The following NSMCE2 variants were observed in gnomAD, a reference collection of about 807,000 sequenced individuals.
NSMCE2 encodes E3 SUMO-protein ligase NSE2.
Under a neutral mutation model 23.8 loss-of-function variants are expected in NSMCE2, and 24 were observed. The observed-to-expected ratio is 1.01, with a 90% CI of 0.73 to 1.42. The LOEUF (loss-of-function observed/expected upper bound fraction) is 1.42. NSMCE2 is among the 40% of genes most tolerant of loss of function. The pLI is 0.00. For synonymous variants in NSMCE2, 92 were observed against 94.1 expected, an observed-to-expected ratio of 0.98 and a Z score of 0.13; for missense variants, 284 against 296.5, an observed-to-expected ratio of 0.96 and a Z score of 0.31.
chr8:125,099,200 C>T (rs959971859), intron 1 of NSMCE2, among the ~76,000 whole-genome samples: 12 of 152,028 alleles, frequency 7.9e-5, no homozygotes, highest in African/African-American at 2.2e-4. Flanking sequence ...ACAAGAATGT[C>T]GTTTGGCAAT....
chr8:125,223,191 A>T (rs911183794), intron 5 of NSMCE2, among the ~76,000 whole-genome samples: 1 of 151,738 alleles, frequency 6.6e-6, no homozygotes, highest in African/African-American at 2.4e-5. Context: ...TCCCATCTGT[A>T]CAAAAAATAC....
At chr8:125,108,845 A>G (rs1818593750) in intron 3 of NSMCE2, among the ~76,000 whole-genome samples, 1 of 152,262 alleles carries the variant, frequency 6.6e-6, no homozygotes, top group Non-Finnish European at 1.5e-5. Context: ...TAGGTAGGAA[A>G]TAAGACATAT....
chr8:125,362,780 C>T (rs916278947), intron 7 of NSMCE2, among the ~76,000 whole-genome samples: 25 of 152,200 alleles, frequency 1.6e-4, no homozygotes, highest in African/African-American at 6.0e-4. Flanking sequence ...AGTCTATCTC[C>T]TCAGTGAACT....
intron 3 of NSMCE2, among the ~76,000 whole-genome samples, chr8:125,144,588 C>T (rs1820568885): frequency 6.6e-6 from 1 of 152,174 alleles, no homozygotes; most frequent in Non-Finnish European, 1.5e-5. Context: ...CACAAAGGAC[C>T]TGGAATTGGT....
intron 5 of NSMCE2, among the ~76,000 whole-genome samples, chr8:125,198,468 C>T (rs184512568): frequency 2.5e-4 from 38 of 152,252 alleles, no homozygotes; most frequent in Admixed American, 5.2e-4. Context: ...GTCATTGGTT[C>T]TGTTTATGTG....
intron 3 of NSMCE2, among the ~76,000 whole-genome samples, chr8:125,137,394 C>T (rs1037590520): frequency 6.6e-6 from 1 of 152,132 alleles, no homozygotes; most frequent in Non-Finnish European, 1.5e-5. Context: ...TTAAAGGAGG[C>T]TGACCCTATT....
intron 5 of NSMCE2, among the ~76,000 whole-genome samples, chr8:125,321,259 G>A (rs905809647): frequency 2.0e-5 from 3 of 152,096 alleles, no homozygotes; most frequent in African/African-American, 4.8e-5. Context: ...ATACACACAG[G>A]ATTTTTTTTC....
At chr8:125,101,051 T>C (rs1818163168) in intron 1 of NSMCE2, among the ~76,000 whole-genome samples, 1 of 152,166 alleles carries the variant, frequency 6.6e-6, no homozygotes, top group Non-Finnish European at 1.5e-5. Context: ...TGACAATGAG[T>C]TGTACTGTGG....
rs564524788 is a variant in NSMCE2, at chr8:125,272,741, A to G, written c.419-84478A>G. On this transcript the variant is annotated intron_variant, in intron 5 of 7. Coordinates refer to ENST00000287437, the MANE Select transcript of NSMCE2 (RefSeq NM_173685.4). ...AATATATATATATACACACACACAC[A>G]TATATATACACACGTATATATATAT... Among the ~76,000 whole-genome samples the G allele has an allele frequency of 2.2e-5, 3 of 134,382 alleles. No individual in the cohort carries two copies. In the East Asian group the frequency reaches 5.9e-4, roughly 26 times the overall value. The allele number at this position is 134,382 out of a possible 152,430, so 88.2% of individuals were successfully genotyped here.
intron 5 of NSMCE2, among the ~76,000 whole-genome samples, chr8:125,290,897 A>T (rs1828081573): frequency 6.6e-6 from 1 of 152,150 alleles, no homozygotes; most frequent in Non-Finnish European, 1.5e-5. Flanking sequence ...TCCTCCACCA[A>T]ATTATGTGTA....
intron 5 of NSMCE2, among the ~76,000 whole-genome samples, chr8:125,207,209 A>G (rs907922866): frequency 1.3e-5 from 2 of 151,418 alleles, no homozygotes; most frequent in African/African-American, 2.4e-5. Context: ...AGTTTTCTTC[A>G]TAGCTTCTTT....
At chr8:125,350,652 A>C (rs569575260) in intron 5 of NSMCE2, among the ~76,000 whole-genome samples, 3 of 152,330 alleles carry the variant, frequency 2.0e-5, no homozygotes, top group Non-Finnish European at 4.4e-5. Context: ...AAAGAGAGAG[A>C]GAGCTTGTGC....
intron 5 of NSMCE2, among the ~76,000 whole-genome samples, chr8:125,354,659 G>T (rs1370630532): frequency 6.6e-6 from 1 of 152,146 alleles, no homozygotes; most frequent in Non-Finnish European, 1.5e-5. Flanking sequence ...CTTCTTCAAA[G>T]AATAAAAGCT....
At chr8:125,214,905 G>A (rs1218536498) in intron 5 of NSMCE2, among the ~76,000 whole-genome samples, 1 of 152,056 alleles carries the variant, frequency 6.6e-6, no homozygotes, top group Non-Finnish European at 1.5e-5. Flanking sequence ...ACACTGATGT[G>A]CAACCATCAC....
chr8:125,291,226 A>G (rs1193495406), intron 5 of NSMCE2, among the ~76,000 whole-genome samples: 1 of 152,232 alleles, frequency 6.6e-6, no homozygotes, highest in African/African-American at 2.4e-5. Context: ...TCATCCGAAG[A>G]GACTGGAGGT....
chr8:125,125,331 C>T (rs964250904), intron 3 of NSMCE2, among the ~76,000 whole-genome samples: 5 of 152,194 alleles, frequency 3.3e-5, no homozygotes, highest in Non-Finnish European at 5.9e-5. Context: ...GGCCTTCTAA[C>T]GCCCTTTATT....
At chr8:125,131,606 G>GA (rs34646266) in intron 3 of NSMCE2, among the ~76,000 whole-genome samples, 3,319 of 148,682 alleles carry the variant, frequency 0.022, 129 homozygotes, top group African/African-American at 0.077. Flanking sequence ...TTCTAACGTG[G>GA]AAAAAAAAAA....
rs141367915 is a variant in NSMCE2 at position 125,108,893 on chromosome 8, A to G, written c.157+6406A>G. On this transcript the variant is annotated intron_variant, in intron 3 of 7. Coordinates refer to ENST00000287437, the MANE Select transcript of NSMCE2 (RefSeq NM_173685.4). Reference sequence around the variant, plus strand: ...ATCATTAAGTGAACATTGATGGCCTATAATGTGATGCTTTGCCAAGGAGTT... The same window carrying G: ...ATCATTAAGTGAACATTGATGGCCTGTAATGTGATGCTTTGCCAAGGAGTT... Among the ~76,000 whole-genome samples the G allele has an allele frequency of 4.6e-4, 70 of 152,356 alleles. 1 individual carries two copies. Among genetic ancestry groups the G allele is most frequent in the Admixed American group, 4.2e-3 (65 of 15,312 alleles).
At chr8:125,299,804 CTTTTTTTTTTTTTT>C (rs58789139) in intron 5 of NSMCE2, among the ~76,000 whole-genome samples, 36 of 70,264 alleles carry the variant, frequency 5.1e-4, no homozygotes, top group Middle Eastern at 0.014. Flanking sequence ...TTTTGGCTTT[CTTTTTTTTTTTTTT>C]TTTTTTTTTT....
Sources: gnomAD v4.1 joint callset for allele counts (sites outside exome capture counted in the v4.1 genomes callset) on GRCh38, gnomAD v4.1.1 for gene constraint, MANE v1.5 for transcripts, NCBI Gene and HGNC (gene_info 2026-07-23, HGNC 2026-07-21) for gene names.